Variants in VSTM2B observed in about 807,000 individuals in gnomAD.
The protein encoded by VSTM2B is V-set and transmembrane domain-containing protein 2B.
A neutral mutation model predicts 24.0 loss-of-function variants in VSTM2B; 24 were observed. That is an observed-to-expected ratio of 1.00 (90% confidence interval 0.72 to 1.40). VSTM2B has a LOEUF of 1.40. Ranked by LOEUF, VSTM2B falls within the 40% of genes most tolerant of loss-of-function variation. The pLI is 0.00. For missense variants in VSTM2B, 399 were observed against 416.4 expected, an observed-to-expected ratio of 0.96 and a Z score of 0.36; for synonymous variants, 226 against 194.4, an observed-to-expected ratio of 1.16 and a Z score of -1.35.
chr19:29,559,595 A>G (rs1970483994), intron 4 of VSTM2B, among the ~76,000 whole-genome samples: 2 of 152,364 alleles, frequency 1.3e-5, no homozygotes, highest in South Asian at 4.1e-4. Context: ...TGTATCCCAG[A>G]ACCTTAAGTA....
intron 4 of VSTM2B, among the ~76,000 whole-genome samples, chr19:29,548,869 G>T (rs369958407): frequency 6.6e-5 from 10 of 152,238 alleles, no homozygotes; most frequent in African/African-American, 2.4e-4. Flanking sequence ...GCAAATTCAG[G>T]CACCCACAAA....
In VSTM2B at chr19:29,564,008, T is replaced by G; in HGVS notation, c.*74T>G. 8.6e-7 allele frequency: 1 copy of G among 1,167,308 alleles called. No homozygotes were observed. The highest frequency in any genetic ancestry group is 1.3e-6 in the Non-Finnish European group (1 of 797,432). The allele number at this position is 1,167,308 out of a possible 1,614,324, so 72.3% of individuals were successfully genotyped here. A position where few individuals can be genotyped will look rare whatever the true frequency, so the allele number is the denominator to read the frequency against. On this transcript the variant is annotated 3_prime_UTR_variant, in exon 5 of 5. Transcript: ENST00000335523. Reference sequence around the variant, plus strand: ...GGGCCCTCGGTGAGGACCATGTCGCTGGATGGACACAGAGAGACTGAGAGA... The same window carrying G: ...GGGCCCTCGGTGAGGACCATGTCGCGGGATGGACACAGAGAGACTGAGAGA...
intron 4 of VSTM2B, 117 bp downstream of exon 4, chr19:29,530,407 C>A: frequency 1.1e-6 from 1 of 889,040 alleles, no homozygotes. Context: ...TTTGCATATG[C>A]ATACTCCTTC....
intron 4 of VSTM2B, among the ~76,000 whole-genome samples, 151 bp downstream of exon 4, chr19:29,530,441 C>CA (rs1022895697): frequency 5.5e-5 from 8 of 145,930 alleles, no homozygotes; most frequent in South Asian, 4.8e-4. Context: ...GAGCGCCCCC[C>CA]CCAGGGCCTT....
At chr19:29,561,298 T>C (rs1177314078) in intron 4 of VSTM2B, among the ~76,000 whole-genome samples, 1 of 146,720 alleles carries the variant, frequency 6.8e-6, no homozygotes, top group African/African-American at 2.6e-5. Flanking sequence ...GGTGACAGAG[T>C]GAGACTCCAT....
rs147128015 is a variant in VSTM2B at position 29,562,638 on chromosome 19, G to A, written c.770-1208G>A. 6.3e-3 allele frequency among the ~76,000 whole-genome samples: 964 copies of A among 152,276 alleles called. 5 individuals are homozygous for A. Among genetic ancestry groups the A allele is most frequent in the African/African-American group, 0.022 (926 of 41,554 alleles). ...CTCTAAGCAAGTAGTGACGTCCCCC[G>A]GGGGTTTTGGCAGCACCAAGGATCG... On this transcript the variant is annotated intron_variant, in intron 4 of 4. Coordinates refer to ENST00000335523, the MANE Select transcript of VSTM2B (RefSeq NM_001146339.2).
chr19:29,527,850 G>A (rs979606292), intron 2 of VSTM2B, among the ~76,000 whole-genome samples: 1 of 152,082 alleles, frequency 6.6e-6, no homozygotes, highest in African/African-American at 2.4e-5. Flanking sequence ...GCCCTCAGGG[G>A]CACAGAGGGG....
chr19:29,542,675 G>C (rs1421609658), intron 4 of VSTM2B, among the ~76,000 whole-genome samples: 1 of 152,116 alleles, frequency 6.6e-6, no homozygotes, highest in Non-Finnish European at 1.5e-5. Context: ...GAAGATATAA[G>C]TGGGTGGATG....
chr19:29,550,186 C>T (rs1970246049), intron 4 of VSTM2B, among the ~76,000 whole-genome samples: 9 of 152,228 alleles, frequency 5.9e-5, no homozygotes, highest in Admixed American at 5.9e-4. Flanking sequence ...ATAATCCCAA[C>T]ACTTTGGGAG....
chr19:29,533,217 C>A (rs931293081), intron 4 of VSTM2B, among the ~76,000 whole-genome samples: 1 of 152,200 alleles, frequency 6.6e-6, no homozygotes, highest in Admixed American at 6.5e-5. Context: ...CCTTGGGCAC[C>A]CACCAGCCAC....
chr19:29,538,613 G>T (rs1969950013), intron 4 of VSTM2B, among the ~76,000 whole-genome samples: 1 of 152,150 alleles, frequency 6.6e-6, no homozygotes, highest in Non-Finnish European at 1.5e-5. Flanking sequence ...AGGTTTATTT[G>T]GCTCACAGTT....
chr19:29,561,430 C>T (rs1970522991), intron 4 of VSTM2B, among the ~76,000 whole-genome samples: 1 of 152,118 alleles, frequency 6.6e-6, no homozygotes, highest in Non-Finnish European at 1.5e-5. Flanking sequence ...TCGAGACAAG[C>T]CTGGCCAACA....
Position 29,564,054 on chromosome 19 carries a change from G to A in VSTM2B, c.*120G>A. On this transcript the variant is annotated 3_prime_UTR_variant, in exon 5 of 5. Coordinates refer to ENST00000335523, the MANE Select transcript of VSTM2B (RefSeq NM_001146339.2). ...AGAGACGCATGAAAAAGTCCACATG[G>A]AAAATAAATAAATCATATTTTTGGG... The A allele has an allele frequency of 1.4e-6, 1 of 736,464 alleles. No homozygotes were observed. The highest frequency in any genetic ancestry group is 1.8e-5 in the African/African-American group (1 of 56,204). 45.6% of individuals were successfully genotyped at this position (736,464 alleles called of 1,614,324 possible). A position where few individuals can be genotyped will look rare whatever the true frequency, so the allele number is the denominator to read the frequency against.
At chr19:29,528,811 G>A in intron 3 of VSTM2B, 1 of 754,144 alleles carries the variant, frequency 1.3e-6, no homozygotes, top group Non-Finnish European at 1.6e-6. Flanking sequence ...GCGCGCGGCT[G>A]CTCGCCCTCG....
At chr19:29,554,621 T>C (rs953021464) in intron 4 of VSTM2B, among the ~76,000 whole-genome samples, 2 of 152,146 alleles carry the variant, frequency 1.3e-5, no homozygotes, top group Admixed American at 6.6e-5. Flanking sequence ...AGACATAGAA[T>C]GGCAGGCTGA....
Position 29,526,613 on chromosome 19 carries a change from C to G in VSTM2B, c.30C>G (p.Leu10=), listed in dbSNP as rs1364950678. Residue 10 remains leucine, a synonymous_variant, in exon 1 of 5, where the codon CTC becomes CTG. Coordinates refer to ENST00000335523, the MANE Select transcript of VSTM2B (RefSeq NM_001146339.2). The surrounding 1 kb of genome is among the most constrained non-coding windows in gnomAD (Gnocchi z 4.1). MEQRNRLGA[L]GYLPPLLLHA... is the part of the protein sequence containing the mutation. ...AACAGCGGAACCGGCTCGGTGCCCT[C>G]GGATACCTGCCGCCTCTGCTGCTGC... The G allele has an allele frequency of 2.0e-6, 3 of 1,529,810 alleles. No homozygotes were observed. Among genetic ancestry groups the G allele is most frequent in the African/African-American group, 2.8e-5 (2 of 72,182 alleles). 94.8% of individuals were successfully genotyped at this position (1,529,810 alleles called of 1,614,324 possible).
intron 4 of VSTM2B, among the ~76,000 whole-genome samples, chr19:29,555,279 A>T (rs777531802): frequency 1.3e-5 from 2 of 152,214 alleles, no homozygotes; most frequent in Non-Finnish European, 2.9e-5. Context: ...GACCATATGA[A>T]AATGGAACAA....
At chr19:29,553,609 G>T (rs1028122866) in intron 4 of VSTM2B, among the ~76,000 whole-genome samples, 15 of 152,198 alleles carry the variant, frequency 9.9e-5, no homozygotes, top group Non-Finnish European at 1.9e-4. Context: ...GGCTGAGATG[G>T]ATGAATTGAC....
At chr19:29,548,797 G>C (rs1196536743) in intron 4 of VSTM2B, among the ~76,000 whole-genome samples, 1 of 152,200 alleles carries the variant, frequency 6.6e-6, no homozygotes, top group Non-Finnish European at 1.5e-5. Context: ...CAACTGCATG[G>C]GGACAAAGAT....
Sources: gnomAD v4.1 joint callset for allele counts (sites outside exome capture counted in the v4.1 genomes callset) on GRCh38, gnomAD v4.1.1 for gene constraint, Gnocchi (gnomAD v3.1) non-coding constraint, MANE v1.5 for transcripts, NCBI Gene and HGNC (gene_info 2026-07-23, HGNC 2026-07-21) for gene names.